ZNF106: variants seen among roughly 807,000 people sequenced by gnomAD.
The protein encoded by ZNF106 is zinc finger protein 106.
ZNF106 carries 67 observed loss-of-function variants against 195.1 expected under a neutral mutation model. The observed-to-expected ratio is 0.34, with a 90% CI of 0.28 to 0.42. The LOEUF (loss-of-function observed/expected upper bound fraction) is 0.42. Ranked by LOEUF, ZNF106 falls within the 10% of genes least tolerant of loss-of-function variation. The pLI, the probability that ZNF106 is intolerant of heterozygous loss-of-function variation, is 1.00. For synonymous variants in ZNF106, 784 were observed against 818.6 expected, an observed-to-expected ratio of 0.96 and a Z score of 0.72; for missense variants, 2,118 against 2,304.5, an observed-to-expected ratio of 0.92 and a Z score of 1.66.
At chr15:42,449,155 G>T (rs928130271) in intron 5 of ZNF106, among the ~76,000 whole-genome samples, 3 of 152,148 alleles carry the variant, frequency 2.0e-5, no homozygotes, top group Non-Finnish European at 2.9e-5. Flanking sequence ...TGCCCCTGAA[G>T]CCTGGAGAAC....
At position 42,450,155 on chromosome 15, in the gene ZNF106, A is replaced by G. The variant is rs1319095047; in HGVS notation, c.2117T>C (p.Ile706Thr). 1 of 1,614,102 alleles carries G rather than the reference A, an allele frequency of 6.2e-7. No individual in the cohort carries two copies. Among genetic ancestry groups the G allele is most frequent in the African/African-American group, 1.3e-5 (1 of 74,938 alleles). Residue 706 changes from isoleucine to threonine, a missense_variant, in exon 5 of 22, where the codon ATT becomes ACT. Coordinates refer to ENST00000564754, the MANE Select transcript of ZNF106 (RefSeq NM_001366845.3). ...TGTTTCATAAGATACATGAGATTTA[A>G]TAGAGTCATCAACCTGTGCATCTTC... ...SLEDAQVDDSIKSHVSYETEG... is the reference protein window; with the variant it reads ...SLEDAQVDDSTKSHVSYETEG...
chr15:42,449,854 AT>A lies in ZNF106; in HGVS notation c.2417del (p.Asn806MetfsTer16). 6.2e-7 allele frequency: 1 copy of A among 1,614,116 alleles called. No individual in the cohort carries two copies. The highest frequency in any genetic ancestry group is 8.5e-7 in the Non-Finnish European group (1 of 1,180,014). On this transcript the variant is annotated frameshift_variant, in exon 5 of 22. Coordinates refer to ENST00000564754, the MANE Select transcript of ZNF106 (RefSeq NM_001366845.3). LOFTEE classifies it high-confidence loss of function. ...CCCAGTTGACATTTCTCCGAGATGC[AT>A]TTAGAATCTGCCGTAGGGTTGGCTT... ...GLKPTLRQIL[N>X]ASRRNVNWEQ...
chr15:42,472,213 G>T, intron 2 of ZNF106, 23 bp downstream of exon 2: 1 of 1,532,198 alleles, frequency 6.5e-7, no homozygotes, highest in African/African-American at 1.4e-5. Flanking sequence ...TAAAGCCTCA[G>T]ATTCTCCCTC....
Position 42,448,657 on chromosome 15 carries a change from T to G in ZNF106, c.2550A>C (p.Leu850Phe). The stretch of plus-strand genomic sequence containing the variant: ...ACAGATCAGGTTCCCCATCCAAATC[T>G]AAGGCTTCTTGTTCATTTTGAACAA... ...VPLVQNEQEA[L>F]DLDGEPDLSS... The change falls in exon 6 of 22, where the codon TTA becomes TTC. Residue 850 changes from leucine (L) to phenylalanine (F), a missense_variant. Transcript: ENST00000564754. The G allele has an allele frequency of 6.2e-7, 1 of 1,612,226 alleles. No homozygotes were observed. Among genetic ancestry groups the G allele is most frequent in the Non-Finnish European group, 8.5e-7 (1 of 1,179,880 alleles).
At chr15:42,442,470 T>C in intron 9 of ZNF106, 56 bp from the exon 10 acceptor site, 1 of 1,436,786 alleles carries the variant, frequency 7.0e-7, no homozygotes, top group African/African-American at 1.4e-5. Context: ...GAAAAGTCAT[T>C]TGTGTCTGAG....
Position 42,481,356 on chromosome 15 carries a change from TG to T in ZNF106, c.-32-9036del, listed in dbSNP as rs202229012. On this transcript the variant is annotated intron_variant, in intron 1 of 21. Coordinates refer to ENST00000564754, the MANE Select transcript of ZNF106 (RefSeq NM_001366845.3). ...ATATTCTTTCTGTTTTTTTTTTTGT[TG>T]TTTTTTTTTTTTTTTTTTGAGACAG... 4.4e-4 allele frequency among the ~76,000 whole-genome samples: 59 copies of T among 133,926 alleles called. 1 individual carries two copies. The highest frequency in any genetic ancestry group is 6.1e-4 in the Non-Finnish European group (40 of 65,722). The allele number at this position is 133,926 out of a possible 152,430, so 87.9% of individuals were successfully genotyped here.
chr15:42,481,562 G>T (rs1339621033), intron 1 of ZNF106, among the ~76,000 whole-genome samples: 1 of 151,804 alleles, frequency 6.6e-6, no homozygotes, highest in Non-Finnish European at 1.5e-5. Flanking sequence ...GTTTCACCAT[G>T]TTGGCCAGGC....
At chr15:42,485,702 G>A (rs760780523) in intron 1 of ZNF106, among the ~76,000 whole-genome samples, 7 of 152,126 alleles carry the variant, frequency 4.6e-5, no homozygotes, top group African/African-American at 1.2e-4. Context: ...GAATAAAGAC[G>A]TTGGAAAATA....
chr15:42,460,836 G>T (rs1335832255), intron 3 of ZNF106, among the ~76,000 whole-genome samples: 5 of 148,832 alleles, frequency 3.4e-5, no homozygotes, highest in African/African-American at 1.3e-4. Context: ...CTCTAGCCTG[G>T]GCAACAAGAG....
At chr15:42,421,189 C>T in intron 19 of ZNF106, 57 bp from the exon 20 acceptor site, 2 of 1,512,168 alleles carry the variant, frequency 1.3e-6, no homozygotes, top group South Asian at 1.1e-5. Context: ...TACAAAACAC[C>T]CTCAAAACAA....
chr15:42,456,345 G>T (rs1431309433), intron 4 of ZNF106, among the ~76,000 whole-genome samples: 1 of 152,066 alleles, frequency 6.6e-6, no homozygotes, highest in East Asian at 1.9e-4. Context: ...AAACTTATTG[G>T]TATTCAAAAG....
At chr15:42,423,932 G>T in intron 17 of ZNF106, 66 bp downstream of exon 17, 1 of 1,473,786 alleles carries the variant, frequency 6.8e-7, no homozygotes, top group Non-Finnish European at 9.2e-7. Context: ...AGAGGTTTAA[G>T]AAAACCATCA....
chr15:42,487,195 T>C (rs1023121241), intron 1 of ZNF106, among the ~76,000 whole-genome samples: 1 of 151,286 alleles, frequency 6.6e-6, no homozygotes, highest in Non-Finnish European at 1.5e-5. Flanking sequence ...ATAGGGAAAA[T>C]ATGGCCTGGA....
intron 3 of ZNF106, among the ~76,000 whole-genome samples, chr15:42,459,623 A>G (rs1595479635): frequency 6.6e-6 from 1 of 152,256 alleles, no homozygotes; most frequent in Non-Finnish European, 1.5e-5. Flanking sequence ...AGCAACACAC[A>G]AAGAAGTTAA....
At chr15:42,483,844 T>C (rs1403604460) in intron 1 of ZNF106, among the ~76,000 whole-genome samples, 3 of 152,172 alleles carry the variant, frequency 2.0e-5, no homozygotes, top group African/African-American at 7.2e-5. Flanking sequence ...CTCTTACTCC[T>C]TTTCATCTAG....
intron 14 of ZNF106, among the ~76,000 whole-genome samples, chr15:42,434,302 C>T (rs1450286529): frequency 1.3e-5 from 2 of 152,226 alleles, no homozygotes; most frequent in East Asian, 3.9e-4. Context: ...GCCTGAGCAA[C>T]ATGGTGAGAC....
At chr15:42,473,220 C>G (rs1397802668) in intron 1 of ZNF106, among the ~76,000 whole-genome samples, 2 of 152,106 alleles carry the variant, frequency 1.3e-5, no homozygotes, top group African/African-American at 2.4e-5. Flanking sequence ...ATTCCAAGAT[C>G]CGAAAAAATC....
At chr15:42,432,557 C>T (rs778594912) in intron 14 of ZNF106, among the ~76,000 whole-genome samples, 2 of 152,068 alleles carry the variant, frequency 1.3e-5, no homozygotes, top group Non-Finnish European at 2.9e-5. Flanking sequence ...TACTTTCAAC[C>T]TATTTTGTCT....
Position 42,448,413 on chromosome 15 carries a change from G to A in ZNF106, c.2794C>T (p.His932Tyr). ...CGAGGTGTCACTTCTTGTTTGAGGT[G>A]CATGGTTGCTTTCTGGCTCTGTCCA... ...RAGQSQKATMHLKQEVTPRAA... is the reference protein window; with the variant it reads ...RAGQSQKATMYLKQEVTPRAA... The change falls in exon 6 of 22, where the codon CAC (histidine) becomes TAC (tyrosine). Residue 932 changes from histidine to tyrosine, a missense_variant. Transcript: ENST00000564754. The A allele has an allele frequency of 6.2e-7, 1 of 1,614,138 alleles. No homozygotes were observed. Among genetic ancestry groups the A allele is most frequent in the Non-Finnish European group, 8.5e-7 (1 of 1,180,024 alleles).
Sources: gnomAD v4.1 joint callset for allele counts (sites outside exome capture counted in the v4.1 genomes callset) on GRCh38, gnomAD v4.1.1 for gene constraint, MANE v1.5 for transcripts, NCBI Gene and HGNC (gene_info 2026-07-23, HGNC 2026-07-21) for gene names.